Variants in SMAP1 observed in about 807,000 individuals in gnomAD.
The protein encoded by SMAP1 is small ArfGAP 1.
SMAP1 carries 24 observed loss-of-function variants against 58.5 expected under a neutral mutation model. The observed-to-expected ratio is 0.41, with a 90% CI of 0.30 to 0.58. SMAP1 has a LOEUF of 0.58. Among genes scored for constraint, SMAP1 ranks in the 20% least tolerant of loss-of-function variants. The pLI, the probability that SMAP1 is intolerant of heterozygous loss-of-function variation, is 0.29. For synonymous variants in SMAP1, 216 were observed against 196.6 expected (o/e 1.10, Z -0.82); for missense variants, 563 against 566.3 (o/e 0.99, Z 0.06).
chr6:70,782,676 A>T (rs2149927065), intron 4 of SMAP1, among the ~76,000 whole-genome samples: 1 of 152,266 alleles, frequency 6.6e-6, no homozygotes, highest in South Asian at 2.1e-4. Flanking sequence ...ATGAAGACAG[A>T]TGCCTTCTTG....
intron 4 of SMAP1, among the ~76,000 whole-genome samples, chr6:70,785,721 C>T (rs1343891865): frequency 4.6e-5 from 7 of 152,106 alleles, no homozygotes; most frequent in Non-Finnish European, 7.4e-5. Flanking sequence ...ATAAATTCCT[C>T]GACACATACA....
chr6:70,686,129 C>G (rs1463482683), intron 1 of SMAP1, among the ~76,000 whole-genome samples: 1 of 152,060 alleles, frequency 6.6e-6, no homozygotes, highest in East Asian at 1.9e-4. Flanking sequence ...TTTCTAAGCT[C>G]TTATGAAAAT....
chr6:70,720,299 CTGATTCAA>C (rs1449068519), intron 1 of SMAP1, among the ~76,000 whole-genome samples: 1 of 152,176 alleles, frequency 6.6e-6, no homozygotes, highest in African/African-American at 2.4e-5. Flanking sequence ...CGAGGTTATG[CTGATTCAA>C]GAGGTGGGTT....
chr6:70,799,856 A>G (rs1450697500), intron 6 of SMAP1, among the ~76,000 whole-genome samples: 1 of 152,152 alleles, frequency 6.6e-6, no homozygotes, highest in Admixed American at 6.5e-5. Context: ...ACTTTTTTCC[A>G]AAGTGTATAC....
intron 1 of SMAP1, among the ~76,000 whole-genome samples, chr6:70,716,097 C>T (rs1248759842): frequency 6.6e-6 from 1 of 152,222 alleles, no homozygotes; most frequent in East Asian, 1.9e-4. Flanking sequence ...TGTATTCCAT[C>T]ATACAGATAC....
intron 1 of SMAP1, among the ~76,000 whole-genome samples, chr6:70,722,212 A>G (rs1768560256): frequency 1.3e-5 from 2 of 152,232 alleles, no homozygotes; most frequent in South Asian, 4.1e-4. Flanking sequence ...TGAGATAATT[A>G]ATGGCCATCA....
chr6:70,670,724 T>G lies in SMAP1; in HGVS notation c.118+2583T>G, dbSNP rs568229880. 2.0e-5 allele frequency among the ~76,000 whole-genome samples: 3 copies of G among 152,370 alleles called. No homozygotes were observed. In the South Asian group the frequency reaches 6.2e-4, roughly 32 times the overall value. On this transcript the variant is annotated intron_variant, in intron 1 of 10. Transcript: ENST00000370455. ...TATTTCCTAGTTAACTCAATTTTCTTTCTTTCAAAGAAGCTTCTTCCACTG... is the reference window on the plus strand; with the variant it reads ...TATTTCCTAGTTAACTCAATTTTCTGTCTTTCAAAGAAGCTTCTTCCACTG...
intron 6 of SMAP1, among the ~76,000 whole-genome samples, chr6:70,808,716 AG>A (rs1423515127): frequency 6.6e-6 from 1 of 152,234 alleles, no homozygotes; most frequent in Non-Finnish European, 1.5e-5. Context: ...GTATCCTTAA[AG>A]GTGGATTTCA....
intron 1 of SMAP1, among the ~76,000 whole-genome samples, chr6:70,726,127 G>T (rs994214266): frequency 6.6e-6 from 1 of 152,130 alleles, no homozygotes; most frequent in Non-Finnish European, 1.5e-5. Context: ...TTAAAATGGA[G>T]TGGTAATATT....
At chr6:70,788,613 C>T (rs570338129) in intron 4 of SMAP1, among the ~76,000 whole-genome samples, 48 of 152,180 alleles carry the variant, frequency 3.2e-4, no homozygotes, top group African/African-American at 1.2e-3. Flanking sequence ...CTAATAGAAG[C>T]ATGGGTTTCT....
intron 1 of SMAP1, among the ~76,000 whole-genome samples, chr6:70,722,565 A>G (rs1768576223): frequency 6.6e-6 from 1 of 152,262 alleles, no homozygotes; most frequent in African/African-American, 2.4e-5. Flanking sequence ...ACAGAAATAT[A>G]GCCTGTGGAG....
intron 1 of SMAP1, among the ~76,000 whole-genome samples, chr6:70,695,546 G>T (rs890384739): frequency 6.6e-6 from 1 of 152,046 alleles, no homozygotes. Flanking sequence ...TGATTATTTG[G>T]TTTTTGTCCT....
At chr6:70,833,187 A>G (rs1448819224) in intron 6 of SMAP1, among the ~76,000 whole-genome samples, 1 of 152,152 alleles carries the variant, frequency 6.6e-6, no homozygotes, top group Non-Finnish European at 1.5e-5. Context: ...GCTTTGGTGT[A>G]TCTGTCCTTA....
chr6:70,759,283 C>G (rs1235255042), intron 3 of SMAP1, among the ~76,000 whole-genome samples: 1 of 151,888 alleles, frequency 6.6e-6, no homozygotes, highest in Non-Finnish European at 1.5e-5. Flanking sequence ...TTTTGCCCCC[C>G]ACTCACTAGG....
At chr6:70,741,957 G>T (rs532609109) in intron 2 of SMAP1, among the ~76,000 whole-genome samples, 1 of 152,190 alleles carries the variant, frequency 6.6e-6, no homozygotes, top group Non-Finnish European at 1.5e-5. Flanking sequence ...CCTTTTAGCC[G>T]CAGCTGGAGC....
chr6:70,710,579 C>T (rs1280638205), intron 1 of SMAP1, among the ~76,000 whole-genome samples: 2 of 150,652 alleles, frequency 1.3e-5, no homozygotes, highest in Non-Finnish European at 2.9e-5. Flanking sequence ...TTGGCAGTTG[C>T]TCTGGGTAAG....
chr6:70,849,997 T>G (rs1340539582), intron 7 of SMAP1, among the ~76,000 whole-genome samples: 1 of 152,170 alleles, frequency 6.6e-6, no homozygotes, highest in Non-Finnish European at 1.5e-5. Flanking sequence ...AAAGGTAAAA[T>G]AAGACTTCAG....
chr6:70,753,927 A>G (rs1448829881), intron 2 of SMAP1, among the ~76,000 whole-genome samples: 1 of 152,066 alleles, frequency 6.6e-6, no homozygotes, highest in Non-Finnish European at 1.5e-5. Context: ...GTGATTGTAT[A>G]TTGGAATTTA....
At chr6:70,840,255 C>G (rs1332776857) in intron 7 of SMAP1, among the ~76,000 whole-genome samples, 1 of 152,162 alleles carries the variant, frequency 6.6e-6, no homozygotes, top group Non-Finnish European at 1.5e-5. Flanking sequence ...TCATAATAGC[C>G]TAATACTTAA....
Sources: gnomAD v4.1 joint callset for allele counts (sites outside exome capture counted in the v4.1 genomes callset) on GRCh38, gnomAD v4.1.1 for gene constraint, MANE v1.5 for transcripts, NCBI Gene and HGNC (gene_info 2026-07-23, HGNC 2026-07-21) for gene names.